TUSC3: variants seen among roughly 807,000 people sequenced by gnomAD.
TUSC3 encodes the protein tumor suppressor candidate 3.
TUSC3 carries 45 observed loss-of-function variants against 44.8 expected under a neutral mutation model. The observed-to-expected ratio is 1.00, with a 90% CI of 0.79 to 1.29. TUSC3 has a LOEUF of 1.29. Among genes scored for constraint, TUSC3 ranks in the 50% most tolerant of loss-of-function variants. TUSC3 has a pLI of 0.00. For synonymous variants in TUSC3, 212 were observed against 152.9 expected (o/e 1.39, Z -2.85); for missense variants, 519 against 437.9 (o/e 1.19, Z -1.65).
rs117831674 is a variant in TUSC3 at position 15,545,569 on chromosome 8, G to A, written c.138+5001G>A. On this transcript the variant is annotated intron_variant, in intron 1 of 10. Transcript: ENST00000503731. ...GTCCCTGCATTAGCAAGTTGTGTTA[G>A]AAACCCATGAGGAATTGTCTGTCCA... is the stretch of plus-strand genomic sequence containing the variant. 4.7e-4 allele frequency among the ~76,000 whole-genome samples: 71 copies of A among 151,848 alleles called. 3 individuals carry two copies. In the East Asian group the frequency reaches 0.013, roughly 27 times the overall value.
chr8:15,795,725 G>C, the TUSC3 span, among the ~76,000 whole-genome samples: 2 of 152,316 alleles, frequency 1.3e-5, no homozygotes, highest in South Asian at 4.1e-4. Context: ...ACCCACATCA[G>C]TTTTTGGGCA....
At position 15,461,348 on chromosome 8, in the gene TUSC3, T is replaced by C. The variant is rs570689599; in HGVS notation, n.92-22038T>C. ...ACTTGATTCTCTGCTTGGTCACTGT[T>C]GGTGTATAGGAGAGTTAATTTGTGT... On this transcript the variant is annotated intron_variant and non_coding_transcript_variant, in intron 1 of 5. Transcript: ENST00000503191. 1.4e-4 allele frequency among the ~76,000 whole-genome samples: 22 copies of C among 152,212 alleles called. 1 individual carries two copies. Among genetic ancestry groups the C allele is most frequent in the African/African-American group, 5.1e-4 (21 of 41,544 alleles).
the TUSC3 span, among the ~76,000 whole-genome samples, chr8:15,783,413 T>C: frequency 6.6e-6 from 1 of 152,130 alleles, no homozygotes; most frequent in East Asian, 1.9e-4. Flanking sequence ...CCTAAATAGC[T>C]GAAGCAATCA....
chr8:15,542,312 A>T (rs545939083), intron 1 of TUSC3, among the ~76,000 whole-genome samples: 1 of 152,150 alleles, frequency 6.6e-6, no homozygotes, highest in African/African-American at 2.4e-5. Flanking sequence ...TCCAGGTGGC[A>T]GACTTCAGAG....
the TUSC3 span, among the ~76,000 whole-genome samples, chr8:15,783,125 ATACT>A: frequency 6.6e-6 from 1 of 152,200 alleles, no homozygotes; most frequent in Non-Finnish European, 1.5e-5. Flanking sequence ...AAAAAGTATA[ATACT>A]TAGGAGTAAA....
intron 1 of TUSC3, among the ~76,000 whole-genome samples, chr8:15,456,454 C>T (rs894073752): frequency 6.6e-6 from 1 of 152,064 alleles, no homozygotes; most frequent in Middle Eastern, 3.4e-3. Flanking sequence ...TAATAATAGC[C>T]AAGACACTAT....
At chr8:15,460,953 A>T (rs1447292002) in intron 1 of TUSC3, among the ~76,000 whole-genome samples, 1 of 152,162 alleles carries the variant, frequency 6.6e-6, no homozygotes, top group Non-Finnish European at 1.5e-5. Flanking sequence ...GTTTGAAATC[A>T]GGTAGTGTGA....
intron 6 of TUSC3, among the ~76,000 whole-genome samples, chr8:15,687,780 A>G (rs942307636): frequency 1.2e-4 from 19 of 152,350 alleles, no homozygotes; most frequent in African/African-American, 4.3e-4. Context: ...TGCATAGATA[A>G]ATAAATCTTT....
chr8:15,806,636 A>T, the TUSC3 span: 2 of 1,358,538 alleles, frequency 1.5e-6, no homozygotes, highest in Non-Finnish European at 2.1e-6. Context: ...AGTGTCATGG[A>T]CTTCAGGCTC....
chr8:15,799,864 T>G, the TUSC3 span, among the ~76,000 whole-genome samples: 1 of 152,122 alleles, frequency 6.6e-6, no homozygotes, highest in African/African-American at 2.4e-5. Context: ...TGAAAGACAA[T>G]TCATCAAACA....
chr8:15,740,708 A>G (rs941898069), intron 7 of TUSC3, among the ~76,000 whole-genome samples: 2 of 152,200 alleles, frequency 1.3e-5, no homozygotes, highest in Non-Finnish European at 2.9e-5. Context: ...TGCTCATTTT[A>G]GAGAGCAGTA....
chr8:15,655,375 G>A (rs751507173), intron 3 of TUSC3, among the ~76,000 whole-genome samples: 2 of 152,160 alleles, frequency 1.3e-5, no homozygotes, highest in Non-Finnish European at 2.9e-5. Context: ...AAATGAGCAT[G>A]TGCACAACTT....
rs35996786 is a variant in TUSC3, at chr8:15,520,736, G to A, written n.189+37253G>A. Among the ~76,000 whole-genome samples, 303 of 152,206 alleles carry A rather than the reference G, an allele frequency of 2.0e-3. 1 individual carries two copies. Among genetic ancestry groups the A allele is most frequent in the Non-Finnish European group, 3.7e-3 (253 of 68,028 alleles). On this transcript the variant is annotated intron_variant and non_coding_transcript_variant, in intron 2 of 5. Coordinates refer to the TUSC3 transcript ENST00000503191. ...CAATTCCGTTCTCCACCTTGTTATTGCCTTTACCCACAAGAAATTTCCTAC... is the reference window on the plus strand; with the variant it reads ...CAATTCCGTTCTCCACCTTGTTATTACCTTTACCCACAAGAAATTTCCTAC...
At chr8:15,432,784 G>C (rs1799887286) in intron 1 of TUSC3, among the ~76,000 whole-genome samples, 2 of 151,934 alleles carry the variant, frequency 1.3e-5, no homozygotes, top group Admixed American at 6.6e-5. Context: ...AGGATAGCTA[G>C]AGCGGGTTAA....
At position 15,520,993 on chromosome 8, in the gene TUSC3, G is replaced by A. The variant is rs1287910685; in HGVS notation, n.189+37510G>A. ...ATTGTTACAAGAAAAGCTTGGGACT[G>A]TACCACTCCCTCCCCAAACTGGGAA... On this transcript the variant is annotated intron_variant and non_coding_transcript_variant, in intron 2 of 5. Coordinates refer to the TUSC3 transcript ENST00000503191. 2.0e-5 allele frequency among the ~76,000 whole-genome samples: 3 copies of A among 152,160 alleles called. No homozygotes were observed. In the East Asian group the frequency reaches 5.8e-4, roughly 29 times the overall value.
chr8:15,672,120 G>A (rs1209965160), intron 5 of TUSC3, among the ~76,000 whole-genome samples: 1 of 152,022 alleles, frequency 6.6e-6, no homozygotes, highest in African/African-American at 2.4e-5. Flanking sequence ...GATGCAGGGG[G>A]AAGCAAGAAG....
intron 6 of TUSC3, among the ~76,000 whole-genome samples, chr8:15,712,697 C>T (rs1809907921): frequency 6.6e-6 from 1 of 152,052 alleles, no homozygotes; most frequent in Non-Finnish European, 1.5e-5. Context: ...TTGTAAAATA[C>T]TGTAGAAAGT....
At chr8:15,823,047 A>G in the TUSC3 span, among the ~76,000 whole-genome samples, 1 of 152,174 alleles carries the variant, frequency 6.6e-6, no homozygotes, top group Non-Finnish European at 1.5e-5. Context: ...GGAAGAGGAC[A>G]AGCAGATCAA....
intron 5 of TUSC3, among the ~76,000 whole-genome samples, chr8:15,668,509 C>T (rs1364984341): frequency 2.0e-5 from 3 of 151,702 alleles, no homozygotes; most frequent in East Asian, 3.9e-4. Context: ...AAGACTAGCA[C>T]GTGAGCCCTG....
Sources: allele counts gnomAD v4.1 joint callset (sites outside exome capture counted in the v4.1 genomes callset), GRCh38; gene constraint gnomAD v4.1.1; transcripts MANE v1.5; gene names NCBI Gene and HGNC (gene_info 2026-07-23, HGNC 2026-07-21).